SYBU: variants seen among roughly 807,000 people sequenced by gnomAD.
The protein encoded by SYBU is GOLSYN A protein.
SYBU carries 21 observed loss-of-function variants against 35.9 expected under a neutral mutation model. The ratio of observed to expected loss-of-function variants is 0.58; its 90% confidence interval spans 0.41 to 0.84. The LOEUF is 0.84. SYBU is among the 40% of genes least tolerant of loss of function. The pLI, the probability that SYBU is intolerant of heterozygous loss-of-function variation, is 0.00. For synonymous variants in SYBU, 319 were observed against 324.3 expected, an observed-to-expected ratio of 0.98 and a Z score of 0.18; for missense variants, 768 against 848.2, an observed-to-expected ratio of 0.91 and a Z score of 1.17.
chr8:109,646,301 C>T (rs768450204), upstream of SYBU: 8 of 152,190 alleles, frequency 5.3e-5, no homozygotes, highest in Non-Finnish European at 8.8e-5. Context: ...GTCATTGTCC[C>T]CTTTCATCCA....
chr8:109,631,437 C>T (rs780369964), intron 2 of SYBU, among the ~76,000 whole-genome samples: 5 of 152,116 alleles, frequency 3.3e-5, no homozygotes, highest in Non-Finnish European at 5.9e-5. Context: ...TTTGGAGCTT[C>T]GAGTGCTCCC....
chr8:109,645,118 G>C (rs1191765099), upstream of SYBU: 1 of 463,558 alleles, frequency 2.2e-6, no homozygotes, highest in South Asian at 1.5e-5. Flanking sequence ...TTGATCTCAG[G>C]TTTGAAGTGG....
chr8:109,600,215 T>C (rs1053958534), intron 3 of SYBU, among the ~76,000 whole-genome samples: 1 of 152,218 alleles, frequency 6.6e-6, no homozygotes, highest in East Asian at 1.9e-4. Flanking sequence ...TGTTTTGAAA[T>C]GTTATTTCAC....
At chr8:109,623,338 A>G (rs1251109224) in intron 2 of SYBU, among the ~76,000 whole-genome samples, 1 of 152,184 alleles carries the variant, frequency 6.6e-6, no homozygotes, top group Non-Finnish European at 1.5e-5. Context: ...CCTTGATTTT[A>G]TTAGAAATCA....
At chr8:109,671,260 C>T (rs906822148) in intron 1 of SYBU, among the ~76,000 whole-genome samples, 9 of 149,508 alleles carry the variant, frequency 6.0e-5, no homozygotes, top group East Asian at 4.4e-4. Context: ...ATAGGTGTGG[C>T]ATAGTGTTTT....
chr8:109,687,997 T>A (rs982052036), intron 1 of SYBU, among the ~76,000 whole-genome samples: 1 of 152,188 alleles, frequency 6.6e-6, no homozygotes, highest in Non-Finnish European at 1.5e-5. Context: ...CTCTACTTAC[T>A]CTGTATAGCT....
intron 3 of SYBU, among the ~76,000 whole-genome samples, chr8:109,616,514 C>T (rs984469655): frequency 1.3e-5 from 2 of 152,006 alleles, no homozygotes; most frequent in Admixed American, 1.3e-4. Flanking sequence ...ATAATATTAA[C>T]GCTCATATAA....
Position 109,622,546 on chromosome 8 carries a change from G to T in SYBU, c.230-3507C>A, listed in dbSNP as rs552845933. 2.6e-5 allele frequency among the ~76,000 whole-genome samples: 4 copies of T among 152,250 alleles called. No individual in the cohort carries two copies. In the South Asian group the frequency reaches 8.3e-4, roughly 32 times the overall value. On this transcript the variant is annotated intron_variant, in intron 2 of 6. Transcript: ENST00000276646. ...GCGTGCCTGGCCACATTTACTCTGA[G>T]ATTCTGAGAATAGTAAAGCCAAGCT...
chr8:109,689,065 T>C (rs549796582), intron 1 of SYBU, among the ~76,000 whole-genome samples: 30 of 152,250 alleles, frequency 2.0e-4, no homozygotes, highest in Non-Finnish European at 3.8e-4. Flanking sequence ...AAATGAAATA[T>C]TTTGTATACA....
chr8:109,687,134 T>C (rs1817537030), intron 1 of SYBU, among the ~76,000 whole-genome samples: 1 of 152,110 alleles, frequency 6.6e-6, no homozygotes, highest in Non-Finnish European at 1.5e-5. Flanking sequence ...TGGCTTACCA[T>C]AAGAAATAGA....
chr8:109,599,804 C>T (rs117429884), intron 3 of SYBU, among the ~76,000 whole-genome samples: 168 of 152,316 alleles, frequency 1.1e-3, no homozygotes, highest in Non-Finnish European at 1.9e-3. Context: ...CTCTTTAGCA[C>T]GATTTACAAA....
chr8:109,676,196 A>C (rs981673853), intron 1 of SYBU, among the ~76,000 whole-genome samples: 4 of 152,224 alleles, frequency 2.6e-5, no homozygotes, highest in Admixed American at 2.0e-4. Flanking sequence ...AATGGGGAAA[A>C]GCTGGAAGCA....
At chr8:109,620,823 C>G (rs866463903) in intron 2 of SYBU, among the ~76,000 whole-genome samples, 1 of 152,052 alleles carries the variant, frequency 6.6e-6, no homozygotes, top group South Asian at 2.1e-4. Flanking sequence ...ACTTACACAC[C>G]CCAGGCTTCA....
chr8:109,626,052 T>C (rs1171727224), intron 2 of SYBU, among the ~76,000 whole-genome samples: 1 of 152,240 alleles, frequency 6.6e-6, no homozygotes, highest in Non-Finnish European at 1.5e-5. Flanking sequence ...AAGCTCAATG[T>C]CTTTGTATGT....
rs1817344420 is a variant in SYBU at position 109,680,052 on chromosome 8, C to G, written c.-129+659G>C. On this transcript the variant is annotated intron_variant, in intron 1 of 5. Coordinates refer to the SYBU transcript ENST00000408889. ...CTTCAACCCTAACCTGTGAAAGCTCCCAACCAGGAGAACACGTATACACTC... is the reference window on the plus strand; with the variant it reads ...CTTCAACCCTAACCTGTGAAAGCTCGCAACCAGGAGAACACGTATACACTC... 5 of 152,118 alleles carry G rather than the reference C, an allele frequency of 3.3e-5. No homozygotes were observed. The South Asian group carries it at 1.0e-3, about 32-fold the overall frequency. The allele number at this position is 152,118 out of a possible 1,614,324, so 9.4% of individuals were successfully genotyped here.
At chr8:109,628,653 A>G (rs1372157538) in intron 2 of SYBU, among the ~76,000 whole-genome samples, 1 of 152,022 alleles carries the variant, frequency 6.6e-6, no homozygotes, top group African/African-American at 2.4e-5. Flanking sequence ...AGAGACCCTC[A>G]TATCTACAAA....
At chr8:109,585,682 A>G (rs1286991951) in intron 4 of SYBU, 2 of 170,430 alleles carry the variant, frequency 1.2e-5, no homozygotes, top group Non-Finnish European at 2.5e-5. Flanking sequence ...AAAAGGGTGA[A>G]GTCAGAGGCT....
intron 3 of SYBU, among the ~76,000 whole-genome samples, chr8:109,591,493 TA>T (rs71564046): frequency 6.7e-6 from 1 of 148,906 alleles, no homozygotes; most frequent in African/African-American, 2.5e-5. Flanking sequence ...TTTTTCCTTT[TA>T]AAAAAATGTA....
At chr8:109,661,238 C>A (rs1386860475) in intron 1 of SYBU, among the ~76,000 whole-genome samples, 2 of 152,140 alleles carry the variant, frequency 1.3e-5, no homozygotes, top group African/African-American at 4.8e-5. Flanking sequence ...AAGATGAAGT[C>A]TGTGGTCTCC....
Sources: allele counts gnomAD v4.1 joint callset (sites outside exome capture counted in the v4.1 genomes callset), GRCh38; gene constraint gnomAD v4.1.1; transcripts MANE v1.5; gene names NCBI Gene and HGNC (gene_info 2026-07-23, HGNC 2026-07-21).